Variants in PTPRC observed in about 807,000 individuals in gnomAD.
PTPRC encodes receptor-type tyrosine-protein phosphatase C.
In PTPRC, 44 loss-of-function variants were observed where a neutral mutation model predicts 155.9. That is an observed-to-expected ratio of 0.28 (90% CI 0.22 to 0.36). The LOEUF is 0.36. Ranked by LOEUF, PTPRC falls within the 10% of genes least tolerant of loss-of-function variation. PTPRC has a pLI of 1.00. For missense variants in PTPRC, 1,401 were observed against 1,564.6 expected (o/e 0.90, Z 1.76); for synonymous variants, 525 against 533.1 (o/e 0.98, Z 0.21).
intron 8 of PTPRC, 26 bp downstream of exon 8, chr1:198,704,524 A>T (rs1257427556): frequency 1.1e-5 from 18 of 1,614,034 alleles, no homozygotes; most frequent in Non-Finnish European, 1.5e-5. Flanking sequence ...TAGAATCAGC[A>T]TACCTCACTT....
At chr1:198,740,346 G>C (rs1229576748) in intron 23 of PTPRC, among the ~76,000 whole-genome samples, 1 of 151,952 alleles carries the variant, frequency 6.6e-6, no homozygotes, top group Non-Finnish European at 1.5e-5. Flanking sequence ...AAGAGGACAA[G>C]TCGGGTGTAT....
intron 2 of PTPRC, among the ~76,000 whole-genome samples, chr1:198,648,276 G>T (rs1006086896): frequency 6.6e-6 from 1 of 151,768 alleles, no homozygotes; most frequent in Non-Finnish European, 1.5e-5. Flanking sequence ...AGAGAAAAGG[G>T]AAAACATACA....
At chr1:198,755,478 A>C (rs1655597385) in intron 32 of PTPRC, among the ~76,000 whole-genome samples, 2 of 152,064 alleles carry the variant, frequency 1.3e-5, no homozygotes, top group Non-Finnish European at 2.9e-5. Flanking sequence ...CAATGTAGTG[A>C]GTAAAATGAC....
At chr1:198,691,193 T>C (rs1199590262) in intron 2 of PTPRC, among the ~76,000 whole-genome samples, 2 of 152,094 alleles carry the variant, frequency 1.3e-5, no homozygotes, top group African/African-American at 2.4e-5. Flanking sequence ...TGTATCTATA[T>C]GCTGATCTAT....
Position 198,757,183 on chromosome 1 carries a change from A to C in PTPRC, c.*1002A>C, listed in dbSNP as rs1655723470. The stretch of plus-strand genomic sequence containing the variant: ...AAATCCCATTCATAACTTTCATTAA[A>C]GCATTTACTTTGAATTTCTCCAATG... On this transcript the variant is annotated 3_prime_UTR_variant, in exon 33 of 33. Transcript: ENST00000442510. 1 of 151,872 alleles carries C rather than the reference A, an allele frequency of 6.6e-6. No individual in the cohort carries two copies. Among genetic ancestry groups the C allele is most frequent in the Non-Finnish European group, 1.5e-5 (1 of 67,814 alleles). 9.4% of individuals were successfully genotyped at this position (151,872 alleles called of 1,614,324 possible).
At position 198,752,766 on chromosome 1, in the gene PTPRC, A is replaced by T. The variant is rs1334500406; in HGVS notation, c.3503A>T (p.His1168Leu). The T allele has an allele frequency of 6.2e-7, 1 of 1,612,426 alleles. No homozygotes were observed. Among genetic ancestry groups the T allele is most frequent in the Admixed American group, 1.7e-5 (1 of 59,850 alleles). Residue 1168 changes from histidine (H) to leucine (L), a missense_variant, in exon 31 of 33, where the codon CAC becomes CTC. By Grantham distance (99) the His-to-Leu change is moderately conservative (BLOSUM62 -3). Around this residue, in one of 3 missense-constraint regions of PTPRC, gnomAD observed 400 missense variants for 389.5 expected, o/e 1.03. Transcript: ENST00000442510. ...KHHKSTPLLI[H>L]CRDGSQQTGI... Reference sequence around the variant, plus strand: ...CACAAGAGTACACCTCTACTCATTCACTGCAGGTGCGTGGGATTTGGTAGA... The same window carrying T: ...CACAAGAGTACACCTCTACTCATTCTCTGCAGGTGCGTGGGATTTGGTAGA...
chr1:198,689,746 A>C (rs909537656), intron 2 of PTPRC, among the ~76,000 whole-genome samples: 8 of 152,150 alleles, frequency 5.3e-5, no homozygotes, highest in African/African-American at 1.9e-4. Flanking sequence ...CACTTCTTAT[A>C]CACAAGACTC....
At chr1:198,743,067 C>CAA (rs10628640) in intron 25 of PTPRC, among the ~76,000 whole-genome samples, 17,886 of 75,606 alleles carry the variant, frequency 0.24, 2,187 homozygotes, top group Non-Finnish European at 0.32. Context: ...GTCAAAATAG[C>CAA]AAAAAAAAAA....
chr1:198,653,138 G>A (rs1663348559), intron 2 of PTPRC, among the ~76,000 whole-genome samples: 1 of 151,524 alleles, frequency 6.6e-6, no homozygotes, highest in Non-Finnish European at 1.5e-5. Flanking sequence ...ATCTTAATTA[G>A]TCACTTTTCA....
At chr1:198,707,622 T>G (rs12126601) in intron 9 of PTPRC, among the ~76,000 whole-genome samples, 1,961 of 152,340 alleles carry the variant, frequency 0.013, 24 homozygotes, top group Non-Finnish European at 0.016. Context: ...AAATGTATTT[T>G]GAAAATAAAA....
chr1:198,750,337 C>A lies in PTPRC; in HGVS notation c.3073-155C>A, dbSNP rs753624462. On this transcript the variant is annotated intron_variant, in intron 28 of 32. Coordinates refer to ENST00000442510, the MANE Select transcript of PTPRC (RefSeq NM_002838.5). ...ATCTGTATAATTATTTTACATATAG[C>A]TATTACATTGTTTCTTGTAAGAAAC... The A allele has an allele frequency of 1.7e-5, 13 of 742,928 alleles. No individual in the cohort carries two copies. The East Asian group carries it at 3.3e-4, about 19-fold the overall frequency. 46.0% of individuals were successfully genotyped at this position (742,928 alleles called of 1,614,324 possible).
rs533180023 is a variant in PTPRC, at chr1:198,664,997, A to C, written c.73+25656A>C. ...CTACCATGAAAAATCCAGGTATCCT[A>C]ATCTGGAGGGTTACCCTTTGGATCT... On this transcript the variant is annotated intron_variant, in intron 2 of 32. Transcript: ENST00000442510. Among the ~76,000 whole-genome samples, 17 of 151,942 alleles carry C rather than the reference A, an allele frequency of 1.1e-4. 1 individual carries two copies. The South Asian group carries it at 1.2e-3, about 11-fold the overall frequency.
chr1:198,733,332 T>C (rs994551938), intron 20 of PTPRC, among the ~76,000 whole-genome samples: 1 of 151,744 alleles, frequency 6.6e-6, no homozygotes, highest in African/African-American at 2.4e-5. Flanking sequence ...CAATGGAACT[T>C]AGAGCTCCCT....
At chr1:198,693,997 C>T (rs1203716169) in intron 3 of PTPRC, 12 of 1,544,460 alleles carry the variant, frequency 7.8e-6, no homozygotes, top group East Asian at 2.5e-5. Context: ...CACACAATCA[C>T]GAGGTGAATT....
At chr1:198,641,890 T>C (rs190531429) in intron 2 of PTPRC, among the ~76,000 whole-genome samples, 1 of 152,188 alleles carries the variant, frequency 6.6e-6, no homozygotes, top group East Asian at 1.9e-4. Context: ...ATATATCTCA[T>C]GTTATAAACA....
chr1:198,720,686 A>T (rs983021484), intron 14 of PTPRC, among the ~76,000 whole-genome samples: 2 of 152,178 alleles, frequency 1.3e-5, no homozygotes, highest in Non-Finnish European at 2.9e-5. Context: ...ATTTGTCTTC[A>T]TTCCTTTCAT....
chr1:198,735,279 G>T (rs1553243554), intron 23 of PTPRC, 27 bp downstream of exon 23: 1 of 1,551,120 alleles, frequency 6.4e-7, no homozygotes, highest in Non-Finnish European at 8.8e-7. Flanking sequence ...CATAATTTTT[G>T]TTTTGATACT....
At chr1:198,696,387 C>G (rs1041951606) in intron 3 of PTPRC, among the ~76,000 whole-genome samples, 1 of 151,854 alleles carries the variant, frequency 6.6e-6, no homozygotes, top group African/African-American at 2.4e-5. Context: ...TTTGGATAGG[C>G]GAGAAGCTGC....
At chr1:198,682,711 A>G (rs1246674676) in intron 2 of PTPRC, among the ~76,000 whole-genome samples, 1 of 151,872 alleles carries the variant, frequency 6.6e-6, no homozygotes, top group African/African-American at 2.4e-5. Context: ...TTTTTTTTGC[A>G]TGTTCTACTA....
Sources: allele counts gnomAD v4.1 joint callset (sites outside exome capture counted in the v4.1 genomes callset), GRCh38; gene constraint gnomAD v4.1.1; regional missense constraint gnomAD v4.1.1; transcripts MANE v1.5; gene names NCBI Gene and HGNC (gene_info 2026-07-23, HGNC 2026-07-21).